The following SH3BP5 variants were observed in gnomAD, a reference collection of about 807,000 sequenced individuals.
The protein encoded by SH3BP5 is SH3 domain binding protein 5.
A neutral mutation model predicts 43.3 loss-of-function variants in SH3BP5; 22 were observed. The ratio of observed to expected loss-of-function variants is 0.51; its 90% CI spans 0.36 to 0.73. The LOEUF (loss-of-function observed/expected upper bound fraction) is 0.73, where lower values mean the gene tolerates loss of function less well. SH3BP5 is among the 30% of genes least tolerant of loss of function. The pLI, the probability that SH3BP5 is intolerant of heterozygous loss-of-function variation, is 0.00. For synonymous variants in SH3BP5, 255 were observed against 225.8 expected (o/e 1.13, Z -1.16); for missense variants, 529 against 586.9 (o/e 0.90, Z 1.02).
intron 3 of SH3BP5, among the ~76,000 whole-genome samples, chr3:15,276,591 G>A (rs1559434932): frequency 6.6e-6 from 1 of 152,154 alleles, no homozygotes; most frequent in Non-Finnish European, 1.5e-5. Flanking sequence ...CCTGCCTGCG[G>A]CTCCCGTCCT....
intron 3 of SH3BP5, among the ~76,000 whole-genome samples, chr3:15,295,907 C>G (rs1161510295): frequency 6.6e-6 from 1 of 152,172 alleles, no homozygotes; most frequent in Non-Finnish European, 1.5e-5. Flanking sequence ...GAACATTCAA[C>G]CCTTTGCAGC....
intron 3 of SH3BP5, among the ~76,000 whole-genome samples, chr3:15,291,797 C>T (rs745857391): frequency 6.6e-6 from 1 of 152,128 alleles, no homozygotes; most frequent in Non-Finnish European, 1.5e-5. Flanking sequence ...CACTTGAAGC[C>T]CCAGAGACCA....
rs1322696422 is a variant in SH3BP5 at position 15,296,528 on chromosome 3, A to G, written c.330+7575T>C. 5.9e-5 allele frequency among the ~76,000 whole-genome samples: 9 copies of G among 152,176 alleles called. No homozygotes were observed. In the East Asian group the frequency reaches 9.6e-4, roughly 16 times the overall value. On this transcript the variant is annotated intron_variant, in intron 3 of 8. Transcript: ENST00000383791. Reference sequence around the variant, plus strand: ...AAGTGGCTAGAACAATACCTGGCATATGGTAGGTGCTCAGTCAATAGCTAC... The same window carrying G: ...AAGTGGCTAGAACAATACCTGGCATGTGGTAGGTGCTCAGTCAATAGCTAC...
intron 2 of SH3BP5, among the ~76,000 whole-genome samples, chr3:15,325,286 A>T (rs181794097): frequency 6.6e-6 from 1 of 152,368 alleles, no homozygotes; most frequent in African/African-American, 2.4e-5. Context: ...TATCTCACCT[A>T]GCAGGGCTGT....
At chr3:15,268,071 G>A (rs1018679728) in intron 4 of SH3BP5, among the ~76,000 whole-genome samples, 1 of 152,156 alleles carries the variant, frequency 6.6e-6, no homozygotes, top group African/African-American at 2.4e-5. Flanking sequence ...AGATGACCCA[G>A]AAAAGTTGTT....
intron 2 of SH3BP5, among the ~76,000 whole-genome samples, chr3:15,329,247 T>A (rs1474237357): frequency 6.6e-6 from 1 of 152,196 alleles, no homozygotes; most frequent in Non-Finnish European, 1.5e-5. Flanking sequence ...CAGGATGGAA[T>A]GAGCTAAAAC....
chr3:15,328,727 A>G (rs539979213), intron 2 of SH3BP5, among the ~76,000 whole-genome samples: 4 of 152,250 alleles, frequency 2.6e-5, no homozygotes, highest in East Asian at 3.9e-4. Flanking sequence ...GAATGCAGGA[A>G]CTGGAGGAGA....
chr3:15,274,183 T>C (rs569144702), intron 3 of SH3BP5, among the ~76,000 whole-genome samples: 3 of 150,340 alleles, frequency 2.0e-5, no homozygotes, highest in African/African-American at 7.4e-5. Flanking sequence ...GAGGCGGAGG[T>C]TGCAGTGAGC....
In SH3BP5 at chr3:15,255,031, T is replaced by C. The variant is rs1433227128; in HGVS notation, c.*1055A>G. 1 of 152,514 alleles carries C rather than the reference T, an allele frequency of 6.6e-6. No homozygotes were observed. Among genetic ancestry groups the C allele is most frequent in the Non-Finnish European group, 1.5e-5 (1 of 68,034 alleles). 9.4% of individuals were successfully genotyped at this position (152,514 alleles called of 1,614,324 possible). Reference sequence around the variant, plus strand: ...TTGAAAGAGGGTTGCTTTTTTCTTTTAGAAATGCTAAATTTTCTTAACAAG... The same window carrying C: ...TTGAAAGAGGGTTGCTTTTTTCTTTCAGAAATGCTAAATTTTCTTAACAAG... On this transcript the variant is annotated 3_prime_UTR_variant, in exon 9 of 9. Coordinates refer to ENST00000383791, the MANE Select transcript of SH3BP5 (RefSeq NM_004844.5).
At chr3:15,323,090 A>T (rs1004759015) in intron 2 of SH3BP5, among the ~76,000 whole-genome samples, 21 of 152,090 alleles carry the variant, frequency 1.4e-4, no homozygotes, top group Admixed American at 4.6e-4. Context: ...AGTGGCAGAG[A>T]TCACATCATT....
At chr3:15,332,778 G>T (rs975061792), upstream of SH3BP5, 7 of 564,556 alleles carry the variant, frequency 1.2e-5, no homozygotes, top group Non-Finnish European at 1.6e-5. Context: ...TTAGCAGCTC[G>T]GATATATCTC....
chr3:15,330,622 A>G (rs116839273), intron 1 of SH3BP5, 56 bp from the exon 2 acceptor site: 15,649 of 1,469,314 alleles, frequency 0.011, 102 homozygotes, highest in Non-Finnish European at 0.012. Flanking sequence ...TTTGTTTCCA[A>G]TATAACTCAG....
At chr3:15,267,482 G>C (rs1023024541) in intron 4 of SH3BP5, among the ~76,000 whole-genome samples, 1 of 152,192 alleles carries the variant, frequency 6.6e-6, no homozygotes, top group Non-Finnish European at 1.5e-5. Context: ...AGGAATATCA[G>C]CTCAAAGGTG....
rs113380457 is a variant in SH3BP5 at position 15,299,665 on chromosome 3, A to C, written c.330+4438T>G. ...ATATCACTACATCCAGCTAATTTTA[A>C]ATTTTTTTTATTTCATATAGAGACA... On this transcript the variant is annotated intron_variant, in intron 3 of 8. Transcript: ENST00000383791. Among the ~76,000 whole-genome samples, 1,275 of 151,730 alleles carry C rather than the reference A, an allele frequency of 8.4e-3. 21 individuals carry two copies. Among genetic ancestry groups the C allele is most frequent in the African/African-American group, 0.029 (1,199 of 41,348 alleles).
At chr3:15,259,342 C>G (rs1222514647) in intron 6 of SH3BP5, 1 of 539,008 alleles carries the variant, frequency 1.9e-6, no homozygotes, top group East Asian at 3.3e-5. Flanking sequence ...CAAAGTCCCA[C>G]AGTCTAGACA....
At chr3:15,318,417 T>G (rs1041320614) in intron 2 of SH3BP5, among the ~76,000 whole-genome samples, 1 of 151,736 alleles carries the variant, frequency 6.6e-6, no homozygotes, top group Non-Finnish European at 1.5e-5. Flanking sequence ...TTACCAAGAC[T>G]GTACGGCACA....
intron 1 of SH3BP5, chr3:15,341,139 T>G (rs966251209): frequency 2.6e-5 from 4 of 152,296 alleles, no homozygotes; most frequent in Admixed American, 2.6e-4. Flanking sequence ...ACCTAAACTC[T>G]TCCCTGGGGC....
At chr3:15,259,658 C>A in intron 6 of SH3BP5, 103 bp downstream of exon 6, 1 of 1,071,506 alleles carries the variant, frequency 9.3e-7, no homozygotes, top group Middle Eastern at 2.1e-4. Flanking sequence ...TCTCCACTTT[C>A]CCCTTATAGC....
At position 15,280,640 on chromosome 3, in the gene SH3BP5, G is replaced by A. The variant is rs536954961; in HGVS notation, c.331-10763C>T. The stretch of plus-strand genomic sequence containing the variant: ...CAGCCATCCCCGACATCACACTCTC[G>A]CACTCTCTCTGTCCCCAAAACACAC... On this transcript the variant is annotated intron_variant, in intron 3 of 8. Transcript: ENST00000383791. Among the ~76,000 whole-genome samples the A allele has an allele frequency of 3.9e-5, 6 of 152,086 alleles. No homozygotes were observed. In the South Asian group the frequency reaches 1.2e-3, roughly 32 times the overall value.
Sources: gnomAD v4.1 joint callset for allele counts (sites outside exome capture counted in the v4.1 genomes callset) on GRCh38, gnomAD v4.1.1 for gene constraint, MANE v1.5 for transcripts, NCBI Gene and HGNC (gene_info 2026-07-23, HGNC 2026-07-21) for gene names.